Variants in CRB1 observed in about 807,000 individuals in gnomAD.
The protein encoded by CRB1 is crumbs cell polarity complex component 1.
In CRB1, 83 loss-of-function variants were observed where a neutral mutation model predicts 120.0. The observed-to-expected ratio is 0.69, with a 90% CI of 0.58 to 0.83. The LOEUF (loss-of-function observed/expected upper bound fraction) is 0.83. CRB1 is among the 40% of genes least tolerant of loss of function. CRB1 has a pLI of 0.00. For synonymous variants in CRB1, 625 were observed against 612.5 expected (o/e 1.02, Z -0.30); for missense variants, 1,699 against 1,687.6 (o/e 1.01, Z -0.12).
chr1:197,378,791 A>G (rs1297312061), intron 5 of CRB1, among the ~76,000 whole-genome samples: 1 of 152,220 alleles, frequency 6.6e-6, no homozygotes, highest in Non-Finnish European at 1.5e-5. Flanking sequence ...TCTGGTTATC[A>G]TCTTTTGTTA....
chr1:197,213,396 G>T, the CRB1 span, among the ~76,000 whole-genome samples: 1 of 152,178 alleles, frequency 6.6e-6, no homozygotes. Flanking sequence ...AATAGTTACT[G>T]ATTAGAAAGC....
chr1:197,222,938 C>G, the CRB1 span: 1 of 949,396 alleles, frequency 1.1e-6, no homozygotes, highest in African/African-American at 1.6e-5. Flanking sequence ...TGTTGACGCT[C>G]TGCAAGAGTT....
At chr1:197,317,155 C>G (rs563992800) in intron 1 of CRB1, among the ~76,000 whole-genome samples, 5 of 152,188 alleles carry the variant, frequency 3.3e-5, no homozygotes, top group African/African-American at 1.2e-4. Flanking sequence ...CGGTGGCTCA[C>G]GCCTGTAATC....
chr1:197,386,764 G>A (rs1262044758), intron 5 of CRB1, among the ~76,000 whole-genome samples: 1 of 152,066 alleles, frequency 6.6e-6, no homozygotes, highest in Non-Finnish European at 1.5e-5. Flanking sequence ...TATGTTGAGT[G>A]TTATTGCATT....
intron 11 of CRB1, among the ~76,000 whole-genome samples, chr1:197,445,564 C>T (rs1665662834): frequency 6.6e-6 from 1 of 152,126 alleles, no homozygotes. Flanking sequence ...AAATTCTTCA[C>T]TAAATTTTCT....
At chr1:197,222,417 C>G in the CRB1 span, 2 of 768,230 alleles carry the variant, frequency 2.6e-6, no homozygotes, top group Non-Finnish European at 2.4e-6. Flanking sequence ...TGACCTATTT[C>G]ATCGTCCTCG....
the CRB1 span, among the ~76,000 whole-genome samples, chr1:197,251,440 C>T: frequency 1.3e-5 from 2 of 151,892 alleles, no homozygotes; most frequent in African/African-American, 4.8e-5. Context: ...GCTTGTATAT[C>T]ATGTAATTGC....
At chr1:197,373,421 G>A (rs555279612) in intron 5 of CRB1, among the ~76,000 whole-genome samples, 2 of 152,246 alleles carry the variant, frequency 1.3e-5, no homozygotes, top group South Asian at 2.1e-4. Context: ...TTCAAAGTGT[G>A]TACAAATCAG....
the CRB1 span, among the ~76,000 whole-genome samples, chr1:197,212,988 T>C: frequency 6.6e-6 from 1 of 152,140 alleles, no homozygotes; most frequent in African/African-American, 2.4e-5. Context: ...CAGATCTAGA[T>C]AAATTCCAAA....
In CRB1 at chr1:197,435,629, T is replaced by C; in HGVS notation, c.3749+17T>C. 1 of 1,603,024 alleles carries C rather than the reference T, an allele frequency of 6.2e-7. No homozygotes were observed. Among genetic ancestry groups the C allele is most frequent in the Non-Finnish European group, 8.5e-7 (1 of 1,172,820 alleles). ...ATTTTGCAGGTGAGCATAAAGTCCA[T>C]ATGAAGCTTGGTCTTTGAAGCTATA... On this transcript the variant is annotated intron_variant, in intron 9 of 11. Transcript: ENST00000367400.
chr1:197,264,831 G>T (rs559143995), upstream of CRB1, among the ~76,000 whole-genome samples: 1 of 151,398 alleles, frequency 6.6e-6, no homozygotes, highest in East Asian at 2.0e-4. Context: ...CACCATGTTG[G>T]CCAGGATGGT....
At chr1:197,474,386 C>G (rs2125568006) in intron 11 of CRB1, among the ~76,000 whole-genome samples, 1 of 152,310 alleles carries the variant, frequency 6.6e-6, no homozygotes, top group South Asian at 2.1e-4. Context: ...ACAGCCAGGA[C>G]TGGCAGAGGT....
chr1:197,408,475 G>GA (rs1240283413), intron 5 of CRB1, among the ~76,000 whole-genome samples: 1 of 152,140 alleles, frequency 6.6e-6, no homozygotes, highest in Non-Finnish European at 1.5e-5. Flanking sequence ...GGAGGGCCTT[G>GA]AATGTCGGGC....
intron 11 of CRB1, among the ~76,000 whole-genome samples, chr1:197,451,711 C>G (rs1665983649): frequency 6.6e-6 from 1 of 152,154 alleles, no homozygotes. Context: ...AGATCTGAAA[C>G]AGAATCGAGG....
chr1:197,328,806 G>A lies in CRB1; in HGVS notation c.455G>A (p.Cys152Tyr), dbSNP rs1571848744. 1.2e-6 allele frequency: 2 copies of A among 1,613,996 alleles called. No individual in the cohort carries two copies. Among genetic ancestry groups the A allele is most frequent in the Non-Finnish European group, 1.7e-6 (2 of 1,179,946 alleles). ...TTCTGTGAGATAGATCACGATGAGT[G>A]TGCTTCCAGCCCTTGCCAAAATGGG... ...GRFCEIDHDE[C>Y]ASSPCQNGAV... The change falls in exon 2 of 12, where the codon TGT (cysteine) becomes TAT (tyrosine). Residue 152 changes from cysteine to tyrosine, a missense_variant. Cys to Tyr is a radical substitution (Grantham distance 194). Transcript: ENST00000367400.
At chr1:197,328,355 C>T in intron 1 of CRB1, 67 bp from the exon 2 acceptor site, 2 of 1,344,634 alleles carry the variant, frequency 1.5e-6, no homozygotes, top group Non-Finnish European at 2.1e-6. Context: ...ACAAAGGTCA[C>T]AAAGAAAGAT....
chr1:197,474,110 G>A (rs1667102589), intron 11 of CRB1, among the ~76,000 whole-genome samples: 1 of 152,184 alleles, frequency 6.6e-6, no homozygotes, highest in African/African-American at 2.4e-5. Context: ...TAGAATTAGG[G>A]AAAATGATAA....
intron 11 of CRB1, 197 bp from the exon 12 acceptor site, chr1:197,477,467 G>C (rs371642810): frequency 1.5e-6 from 1 of 687,010 alleles, no homozygotes. Flanking sequence ...GTAGACTTTA[G>C]ATTCTAGATA....
At chr1:197,357,105 G>A (rs1477083387) in intron 5 of CRB1, 92 bp downstream of exon 5, 4 of 1,305,026 alleles carry the variant, frequency 3.1e-6, no homozygotes, top group African/African-American at 2.9e-5. Flanking sequence ...AGGAAGAGCT[G>A]TACTGTGTAA....
Sources: allele counts gnomAD v4.1 joint callset (sites outside exome capture counted in the v4.1 genomes callset), GRCh38; gene constraint gnomAD v4.1.1; transcripts MANE v1.5; gene names NCBI Gene and HGNC (gene_info 2026-07-23, HGNC 2026-07-21).